The following CTDP1 variants were observed in gnomAD, a reference collection of about 807,000 sequenced individuals.
The protein encoded by CTDP1 is CTD phosphatase 1, also known as RNA polymerase II subunit A C-terminal domain phosphatase.
Under a neutral mutation model 91.8 loss-of-function variants are expected in CTDP1, and 47 were observed. The ratio of observed to expected loss-of-function variants is 0.51; its 90% CI spans 0.41 to 0.65. CTDP1 has a LOEUF of 0.65. Among genes scored for constraint, CTDP1 ranks in the 30% least tolerant of loss-of-function variants. The probability of loss-of-function intolerance (pLI) is 0.00; values close to 1 mark genes in which losing one functional copy is unlikely to be tolerated. For missense variants in CTDP1, 1,272 were observed against 1,373.7 expected, an observed-to-expected ratio of 0.93 and a Z score of 1.17; for synonymous variants, 656 against 598.5, an observed-to-expected ratio of 1.10 and a Z score of -1.40.
chr18:79,718,270 C>T (rs987376861), intron 10 of CTDP1, among the ~76,000 whole-genome samples: 2 of 152,188 alleles, frequency 1.3e-5, no homozygotes, highest in Admixed American at 6.5e-5. Context: ...GTCCAGGCAC[C>T]CGCATGTGCC....
intron 8 of CTDP1, among the ~76,000 whole-genome samples, chr18:79,716,572 G>C (rs2086213228): frequency 1.3e-5 from 2 of 152,148 alleles, no homozygotes; most frequent in African/African-American, 4.8e-5. Context: ...AGCCGGGCCA[G>C]GCCGGGGTCC....
At chr18:79,708,147 G>A (rs1011189497) in intron 5 of CTDP1, among the ~76,000 whole-genome samples, 12 of 152,168 alleles carry the variant, frequency 7.9e-5, no homozygotes, top group African/African-American at 2.7e-4. Flanking sequence ...CATTTGAAAC[G>A]TCTGGAGGTG....
At position 79,740,541 on chromosome 18, in the gene CTDP1, A is replaced by G. The variant is rs1245109188; in HGVS notation, c.2747+4020A>G. Among the ~76,000 whole-genome samples, 3 of 152,330 alleles carry G rather than the reference A, an allele frequency of 2.0e-5. No homozygotes were observed. In the South Asian group the frequency reaches 6.2e-4, roughly 32 times the overall value. On this transcript the variant is annotated intron_variant, in intron 12 of 12. Coordinates refer to ENST00000613122, the MANE Select transcript of CTDP1 (RefSeq NM_004715.5). ...AGTTTTTTATTTTTGCATGTTGAAC[A>G]TGTAGGTTTCATCATGATTCTTTCC...
chr18:79,695,951 CCCTGAACCTGT>C lies in CTDP1; in HGVS notation c.399-22_399-12del. The C allele has an allele frequency of 6.2e-7, 1 of 1,601,298 alleles. No individual in the cohort carries two copies. Among genetic ancestry groups the C allele is most frequent in the Non-Finnish European group, 8.5e-7 (1 of 1,171,388 alleles). ...CTGTGCGCAGAGACTCAGCTGAAAGCCCTGAACCTGTCCTTGCACTTGCAGGTTGCAGAGTA... is the reference window on the plus strand; with the variant it reads ...CTGTGCGCAGAGACTCAGCTGAAAGCCCTTGCACTTGCAGGTTGCAGAGTA... On this transcript the variant is annotated splice_polypyrimidine_tract_variant and intron_variant, in intron 2 of 12. Transcript: ENST00000613122.
rs536663474 is a variant in CTDP1 at position 79,744,758 on chromosome 18, G to A, written c.2747+8237G>A. Among the ~76,000 whole-genome samples, 3 of 152,286 alleles carry A rather than the reference G, an allele frequency of 2.0e-5. No individual in the cohort carries two copies. The East Asian group carries it at 5.8e-4, about 29-fold the overall frequency. ...GAAACTGACAAGCAAAGGGAGAGGC[G>A]GCCATGGCGAGACCTTGGAGGTTCC... On this transcript the variant is annotated intron_variant, in intron 12 of 12. Coordinates refer to ENST00000613122, the MANE Select transcript of CTDP1 (RefSeq NM_004715.5).
intron 6 of CTDP1, among the ~76,000 whole-genome samples, chr18:79,712,426 C>T (rs111250509): frequency 0.029 from 4,345 of 152,246 alleles, 215 homozygotes; most frequent in African/African-American, 0.099. Context: ...GGACTACGGG[C>T]GCACACCCCC....
rs569302077 is a variant in CTDP1 at position 79,700,868 on chromosome 18, A to G, written c.621+2880A>G. ...CTAACTAATGCAGCTGGTGACTTTA[A>G]GTTGAAGCCAGTGCTCATTTGCCAT... is the stretch of plus-strand genomic sequence containing the variant. On this transcript the variant is annotated intron_variant, in intron 4 of 12. Transcript: ENST00000613122. 1.4e-4 allele frequency among the ~76,000 whole-genome samples: 22 copies of G among 152,302 alleles called. No individual in the cohort carries two copies. The South Asian group carries it at 4.2e-3, about 29-fold the overall frequency.
chr18:79,700,139 C>T (rs2085829148), intron 4 of CTDP1, among the ~76,000 whole-genome samples: 1 of 152,206 alleles, frequency 6.6e-6, no homozygotes, highest in Non-Finnish European at 1.5e-5. Context: ...TCCCTATTCC[C>T]TGAGACATAA....
At chr18:79,727,641 A>T (rs1040269869) in intron 10 of CTDP1, among the ~76,000 whole-genome samples, 1 of 152,168 alleles carries the variant, frequency 6.6e-6, no homozygotes. Context: ...TCTTCTCTCC[A>T]TTAGTAAATA....
chr18:79,735,331 GC>G (rs1049920233), intron 11 of CTDP1, among the ~76,000 whole-genome samples: 5 of 152,212 alleles, frequency 3.3e-5, no homozygotes, highest in Non-Finnish European at 7.4e-5. Context: ...CTGTGGTCAG[GC>G]CGCCCCGCCT....
intron 12 of CTDP1, among the ~76,000 whole-genome samples, chr18:79,747,402 G>A (rs1428610538): frequency 6.6e-6 from 1 of 152,218 alleles, no homozygotes; most frequent in Non-Finnish European, 1.5e-5. Flanking sequence ...TGGGACTCAG[G>A]TGCAGACGCC....
rs548229780 is a variant in CTDP1, at chr18:79,734,427, G to A, written c.2581-1928G>A. Among the ~76,000 whole-genome samples, 14 of 152,376 alleles carry A rather than the reference G, an allele frequency of 9.2e-5. No homozygotes were observed. In the South Asian group the frequency reaches 1.9e-3, roughly 20 times the overall value. On this transcript the variant is annotated intron_variant, in intron 11 of 12. Coordinates refer to ENST00000613122, the MANE Select transcript of CTDP1 (RefSeq NM_004715.5). The stretch of plus-strand genomic sequence containing the variant: ...GAGATCGGAGGAGCATGATGTAGGC[G>A]AGGTCAGGTTTTAATGTGAATGTGT...
intron 4 of CTDP1, among the ~76,000 whole-genome samples, chr18:79,702,157 C>T (rs528923440): frequency 1.8e-4 from 27 of 152,212 alleles, no homozygotes; most frequent in Non-Finnish European, 4.0e-4. Flanking sequence ...TACAGAGAAA[C>T]CTTTTGTGAA....
intron 5 of CTDP1, among the ~76,000 whole-genome samples, chr18:79,709,214 A>G (rs1599240397): frequency 6.6e-6 from 1 of 152,236 alleles, no homozygotes; most frequent in Non-Finnish European, 1.5e-5. Context: ...CCCTACTTCT[A>G]CAAACTGAAA....
At chr18:79,679,651 A>T, upstream of CTDP1, 1 of 504,102 alleles carries the variant, frequency 2.0e-6, no homozygotes. Context: ...TCCGAGGAAA[A>T]GTAGGTAGGG....
intron 12 of CTDP1, among the ~76,000 whole-genome samples, chr18:79,751,146 G>A (rs1176078708): frequency 2.4e-5 from 3 of 126,332 alleles, no homozygotes; most frequent in African/African-American, 6.1e-5. Flanking sequence ...GAGGCAGGCC[G>A]GGGAGGGAGG....
intron 10 of CTDP1, among the ~76,000 whole-genome samples, chr18:79,723,478 T>C (rs573803423): frequency 6.6e-6 from 1 of 152,256 alleles, no homozygotes; most frequent in Non-Finnish European, 1.5e-5. Flanking sequence ...TCTAAGTCTT[T>C]GAACGTTGTA....
At position 79,695,247 on chromosome 18, in the gene CTDP1, G is replaced by T. The variant is rs1284251354; in HGVS notation, c.337G>T (p.Gly113Ter). ...APGAVLVRLE[G>*]CSHPVVMKGL... ...TAGAGCGGTTCTGGTGAGGTTGGAA[G>T]GATGCAGCCACCCGGTTGTCATGAA... The change falls in exon 2 of 13, where the codon GGA (glycine) becomes TGA (stop). Residue 113 changes from glycine (G) to a stop codon, truncating the protein, a stop_gained. Transcript: ENST00000613122. LOFTEE classifies it high-confidence loss of function. 1 of 1,614,050 alleles carries T rather than the reference G, an allele frequency of 6.2e-7. No individual in the cohort carries two copies. The highest frequency in any genetic ancestry group is 2.2e-5 in the East Asian group (1 of 44,906).
chr18:79,696,963 T>A (rs1568180574), intron 3 of CTDP1, among the ~76,000 whole-genome samples: 1 of 152,252 alleles, frequency 6.6e-6, no homozygotes, highest in East Asian at 1.9e-4. Context: ...TTTCCAGTGT[T>A]ACGATTTTAG....
Sources: allele counts gnomAD v4.1 joint callset (sites outside exome capture counted in the v4.1 genomes callset), GRCh38; gene constraint gnomAD v4.1.1; transcripts MANE v1.5; gene names NCBI Gene and HGNC (gene_info 2026-07-23, HGNC 2026-07-21).